The following PUDP variants were observed in gnomAD, a reference collection of about 807,000 sequenced individuals.
PUDP encodes pseudouridine-5'-phosphatase.
PUDP carries 8 observed loss-of-function variants against 9.4 expected under a neutral mutation model. The ratio of observed to expected loss-of-function variants is 0.85; its 90% CI spans 0.50 to 1.53. The LOEUF is 1.53. Among genes scored for constraint, PUDP ranks in the 40% most tolerant of loss-of-function variants. The pLI, the probability that PUDP is intolerant of heterozygous loss-of-function variation, is 0.00. For missense variants in PUDP, 188 were observed against 189.7 expected, an observed-to-expected ratio of 0.99 and a Z score of 0.05; for synonymous variants, 99 against 80.7, an observed-to-expected ratio of 1.23 and a Z score of -1.22.
At chrX:7,024,247 G>A (rs1262264984) in intron 1 of PUDP, among the ~76,000 whole-genome samples, 2 of 111,482 alleles carry the variant, frequency 1.8e-5, no homozygotes, top group Non-Finnish European at 3.8e-5. Flanking sequence ...GTGAGAGTTG[G>A]CATTTCTATT....
chrX:6,944,851 A>G (rs1326180138), intron 3 of PUDP, among the ~76,000 whole-genome samples: 1 of 111,199 alleles, frequency 9.0e-6, no homozygotes, highest in African/African-American at 3.3e-5. Context: ...ATGCCCATGG[A>G]CCAGAGCTCA....
chrX:6,796,936 C>T (rs747084568), intron 3 of PUDP, among the ~76,000 whole-genome samples: 1 of 112,023 alleles, frequency 8.9e-6, no homozygotes, highest in African/African-American at 3.2e-5. Context: ...CTGTTGAGTA[C>T]ATGCCAGATG....
At chrX:6,915,353 C>T (rs1030647961) in intron 3 of PUDP, among the ~76,000 whole-genome samples, 13 of 112,078 alleles carry the variant, frequency 1.2e-4, no homozygotes, top group African/African-American at 4.2e-4. Flanking sequence ...ATATTTTGAA[C>T]GAATTTATGA....
intron 3 of PUDP, among the ~76,000 whole-genome samples, chrX:6,765,236 C>T (rs1382681966): frequency 9.0e-6 from 1 of 111,362 alleles, no homozygotes; most frequent in Non-Finnish European, 1.9e-5. Context: ...GCCAACATCA[C>T]GCCACTACCC....
intron 3 of PUDP, among the ~76,000 whole-genome samples, chrX:6,737,602 G>A (rs765992343): frequency 9.2e-6 from 1 of 108,178 alleles, no homozygotes; most frequent in Admixed American, 9.9e-5. Context: ...ATGAGGGAGG[G>A]AGGGAGGGAG....
intron 2 of PUDP, among the ~76,000 whole-genome samples, chrX:7,099,956 G>A (rs1441215002): frequency 4.6e-5 from 5 of 108,065 alleles, no homozygotes; most frequent in African/African-American, 1.4e-4. Context: ...ACACACTCCC[G>A]CAGCATAATC....
At chrX:7,098,931 C>T (rs1011310864) in intron 2 of PUDP, among the ~76,000 whole-genome samples, 8 of 110,603 alleles carry the variant, frequency 7.2e-5, no homozygotes, top group Admixed American at 1.9e-4. Flanking sequence ...AGGGGAGAGC[C>T]GGCCAAGAGA....
intron 3 of PUDP, among the ~76,000 whole-genome samples, chrX:7,068,220 G>A (rs1275764001): frequency 1.8e-5 from 2 of 112,250 alleles, no homozygotes; most frequent in African/African-American, 6.5e-5. Flanking sequence ...AAATGACATT[G>A]GCTATTATTA....
At chrX:6,794,855 G>A (rs1294482464) in intron 3 of PUDP, among the ~76,000 whole-genome samples, 2 of 108,043 alleles carry the variant, frequency 1.9e-5, no homozygotes, top group African/African-American at 6.7e-5. Flanking sequence ...CACCACACCC[G>A]ACCTCTTTCT....
chrX:7,059,545 G>A (rs139584571), intron 3 of PUDP, among the ~76,000 whole-genome samples: 188 of 111,851 alleles, frequency 1.7e-3, no homozygotes, highest in African/African-American at 6.0e-3. Flanking sequence ...GGCCCCTATC[G>A]GTTTTGTGTG....
chrX:7,120,988 G>C (rs184848636), intron 1 of PUDP, among the ~76,000 whole-genome samples: 2 of 111,751 alleles, frequency 1.8e-5, no homozygotes, highest in East Asian at 5.6e-4. Flanking sequence ...AGAGAGGCAG[G>C]GGTTGCAGTG....
chrX:7,116,553 A>G (rs1932198060), intron 1 of PUDP, among the ~76,000 whole-genome samples: 1 of 110,274 alleles, frequency 9.1e-6, no homozygotes, highest in Admixed American at 9.7e-5. Flanking sequence ...AGCCTCATTC[A>G]CCATTCTATA....
intron 3 of PUDP, among the ~76,000 whole-genome samples, chrX:7,075,210 C>T (rs952188621): frequency 8.9e-5 from 10 of 111,865 alleles, no homozygotes; most frequent in South Asian, 3.7e-4. Context: ...ACCAAATATG[C>T]GATTAGAAGA....
At chrX:7,142,328 A>G (rs779645742) in intron 1 of PUDP, among the ~76,000 whole-genome samples, 2 of 112,242 alleles carry the variant, frequency 1.8e-5, no homozygotes, top group East Asian at 5.6e-4. Context: ...GTTGATTCCA[A>G]TCCTCATGGA....
At chrX:7,123,814 T>C (rs774175401) in intron 1 of PUDP, among the ~76,000 whole-genome samples, 5 of 112,148 alleles carry the variant, frequency 4.5e-5, no homozygotes, top group Non-Finnish European at 7.5e-5. Flanking sequence ...AAACATTTTA[T>C]AGTGATAAAG....
intron 2 of PUDP, among the ~76,000 whole-genome samples, chrX:7,081,559 G>A (rs1250232494): frequency 8.9e-6 from 1 of 112,684 alleles, no homozygotes; most frequent in Non-Finnish European, 1.9e-5. Context: ...CTGGAATGCA[G>A]CTCAACATTC....
intron 3 of PUDP, among the ~76,000 whole-genome samples, chrX:6,731,028 A>G (rs1280035441): frequency 9.1e-6 from 1 of 109,881 alleles, no homozygotes; most frequent in Non-Finnish European, 1.9e-5. Context: ...GAACATCTAT[A>G]GTCCAAACCC....
chrX:6,754,781 C>G (rs1925151093), intron 3 of PUDP, among the ~76,000 whole-genome samples: 1 of 110,796 alleles, frequency 9.0e-6, no homozygotes, highest in East Asian at 2.8e-4. Flanking sequence ...GTACTTCTAA[C>G]TGCAGCATCA....
chrX:7,097,063 C>T (rs1310149873), intron 2 of PUDP, among the ~76,000 whole-genome samples: 1 of 111,393 alleles, frequency 9.0e-6, no homozygotes, highest in Non-Finnish European at 1.9e-5. Context: ...AAGAATGTTC[C>T]GTCTGGACAC....
Sources: gnomAD v4.1 joint callset for allele counts (sites outside exome capture counted in the v4.1 genomes callset) on GRCh38, gnomAD v4.1.1 for gene constraint, MANE v1.5 for transcripts, NCBI Gene and HGNC (gene_info 2026-07-23, HGNC 2026-07-21) for gene names.